The following CSMD1 variants were observed in gnomAD, a reference collection of about 807,000 sequenced individuals.
The protein encoded by CSMD1 is CUB and Sushi multiple domains 1.
CSMD1 carries 213 observed loss-of-function variants against 417.5 expected under a neutral mutation model. The observed-to-expected ratio is 0.51, with a 90% CI of 0.46 to 0.57. CSMD1 has a LOEUF of 0.57. Ranked by LOEUF, CSMD1 falls within the 20% of genes least tolerant of loss-of-function variation. CSMD1 has a pLI of 0.00. For synonymous variants in CSMD1, 2,862 were observed against 1,736.8 expected (o/e 1.65, Z -16.11); for missense variants, 6,923 against 4,529.7 (o/e 1.53, Z -15.17).
At chr8:4,793,577 A>C (rs1797809976) in intron 1 of CSMD1, among the ~76,000 whole-genome samples, 1 of 151,898 alleles carries the variant, frequency 6.6e-6, no homozygotes, top group Non-Finnish European at 1.5e-5. Flanking sequence ...ACTGATACAA[A>C]CTTTTTAGTT....
chr8:4,059,145 G>T (rs1006427528), intron 3 of CSMD1, among the ~76,000 whole-genome samples: 2 of 152,270 alleles, frequency 1.3e-5, no homozygotes, highest in Non-Finnish European at 2.9e-5. Context: ...AACTCACTCA[G>T]AACCGCTTAA....
chr8:3,652,435 T>G (rs1042660197), intron 7 of CSMD1, among the ~76,000 whole-genome samples: 2 of 152,198 alleles, frequency 1.3e-5, no homozygotes, highest in East Asian at 3.8e-4. Context: ...CCAAACACAA[T>G]GGATGCATTA....
chr8:4,357,057 C>G (rs2128905068), intron 3 of CSMD1, among the ~76,000 whole-genome samples: 1 of 152,286 alleles, frequency 6.6e-6, no homozygotes, highest in Non-Finnish European at 1.5e-5. Flanking sequence ...TAAAATGTAT[C>G]TTTACTGAAG....
intron 5 of CSMD1, among the ~76,000 whole-genome samples, chr8:3,940,182 C>G (rs899594610): frequency 5.9e-5 from 9 of 151,960 alleles, no homozygotes; most frequent in Admixed American, 5.2e-4. Context: ...CATGAAAGAT[C>G]TCATGCTTAT....
chr8:4,642,133 C>A (rs1176859778), intron 1 of CSMD1, among the ~76,000 whole-genome samples: 1 of 152,162 alleles, frequency 6.6e-6, no homozygotes, highest in African/African-American at 2.4e-5. Flanking sequence ...TCCAGGTCTG[C>A]AAGATGGGCA....
intron 5 of CSMD1, among the ~76,000 whole-genome samples, chr8:3,833,349 T>G (rs1338279304): frequency 6.6e-6 from 1 of 152,148 alleles, no homozygotes; most frequent in Non-Finnish European, 1.5e-5. Flanking sequence ...TGGGCCATTT[T>G]ATATACAACG....
intron 3 of CSMD1, among the ~76,000 whole-genome samples, chr8:4,379,671 T>C (rs1237056862): frequency 6.6e-6 from 1 of 152,122 alleles, no homozygotes; most frequent in Non-Finnish European, 1.5e-5. Context: ...AAATTAGTTC[T>C]TACAGGGGAA....
At chr8:3,165,424 ATTTATTTATTTT>A (rs1471016093) in intron 37 of CSMD1, among the ~76,000 whole-genome samples, 2 of 151,434 alleles carry the variant, frequency 1.3e-5, no homozygotes, top group African/African-American at 4.9e-5. Flanking sequence ...TTTATTTTTT[ATTTATTTATTTT>A]TTTATTTATT....
intron 25 of CSMD1, among the ~76,000 whole-genome samples, chr8:3,292,769 A>C (rs971318066): frequency 2.6e-5 from 4 of 152,096 alleles, no homozygotes; most frequent in Non-Finnish European, 5.9e-5. Flanking sequence ...ATGGGTCTTG[A>C]CTTTTTATGC....
chr8:4,216,245 C>T (rs1342799590), intron 3 of CSMD1, among the ~76,000 whole-genome samples: 1 of 151,960 alleles, frequency 6.6e-6, no homozygotes, highest in Non-Finnish European at 1.5e-5. Flanking sequence ...TTTTTTTCTG[C>T]CTGGAATCCT....
rs1013218750 is a variant in CSMD1 at position 4,431,424 on chromosome 8, G to A, written c.303-11359C>T. 2.0e-5 allele frequency among the ~76,000 whole-genome samples: 3 copies of A among 152,250 alleles called. No individual in the cohort carries two copies. In the East Asian group the frequency reaches 5.8e-4, roughly 29 times the overall value. ...CAAACTTAGATTGAAGGAGGAACAA[G>A]GTGAGAGGAGAGCGAGTGAGCACAC... On this transcript the variant is annotated intron_variant, in intron 2 of 69. Coordinates refer to ENST00000635120, the MANE Select transcript of CSMD1 (RefSeq NM_033225.6).
Position 4,198,689 on chromosome 8 carries a change from G to A in CSMD1, c.416-166590C>T, listed in dbSNP as rs190926721. Among the ~76,000 whole-genome samples, 134 of 152,126 alleles carry A rather than the reference G, an allele frequency of 8.8e-4. 3 individuals are homozygous for A. In the East Asian group the frequency reaches 0.017, roughly 20 times the overall value. On this transcript the variant is annotated intron_variant, in intron 3 of 69. Coordinates refer to ENST00000635120, the MANE Select transcript of CSMD1 (RefSeq NM_033225.6). ...CCAGATGGGGCTGGTAAAACCCCAAGGACTACATGGATACTAAGTGTATTT... is the reference window on the plus strand; with the variant it reads ...CCAGATGGGGCTGGTAAAACCCCAAAGACTACATGGATACTAAGTGTATTT...
chr8:4,171,461 G>C (rs1223628113), intron 3 of CSMD1, among the ~76,000 whole-genome samples: 1 of 151,676 alleles, frequency 6.6e-6, no homozygotes, highest in Non-Finnish European at 1.5e-5. Context: ...TGGCTCTCCT[G>C]AACTAAGAAA....
At chr8:4,126,554 C>T (rs1160469013) in intron 3 of CSMD1, among the ~76,000 whole-genome samples, 1 of 152,170 alleles carries the variant, frequency 6.6e-6, no homozygotes, top group African/African-American at 2.4e-5. Flanking sequence ...CACTGATCCA[C>T]AATTGTGGGA....
rs1331565404 is a variant in CSMD1 at position 3,189,997 on chromosome 8, G to A, written c.5313C>T (p.Tyr1771=). The change falls in exon 34 of 70, where the codon TAC becomes TAT. Residue 1771 remains tyrosine (Y), a synonymous_variant. Coordinates refer to ENST00000635120, the MANE Select transcript of CSMD1 (RefSeq NM_033225.6). ...SIVRFECNPG[Y]LLQGSTALHC... The stretch of plus-strand genomic sequence containing the variant: ...GGAGCGCCGTGGAACCCTGAAGCAG[G>A]TATCCCGGGTTGCACTCGAATCGGA... 3.1e-6 allele frequency: 5 copies of A among 1,599,068 alleles called. No individual in the cohort carries two copies. Among genetic ancestry groups the A allele is most frequent in the African/African-American group, 1.3e-5 (1 of 74,622 alleles).
At chr8:3,525,500 C>T (rs552944200) in intron 10 of CSMD1, among the ~76,000 whole-genome samples, 63 of 152,136 alleles carry the variant, frequency 4.1e-4, no homozygotes, top group Non-Finnish European at 7.8e-4. Flanking sequence ...TGATAAGAAA[C>T]GCAGTACCCT....
At chr8:3,644,784 G>A (rs1563228629) in intron 7 of CSMD1, among the ~76,000 whole-genome samples, 1 of 151,894 alleles carries the variant, frequency 6.6e-6, no homozygotes, top group Admixed American at 6.6e-5. Context: ...TGTAGAAAGC[G>A]TGCAGTTTAT....
chr8:3,923,543 A>G (rs1046308379), intron 5 of CSMD1, among the ~76,000 whole-genome samples: 3 of 152,210 alleles, frequency 2.0e-5, no homozygotes, highest in Non-Finnish European at 4.4e-5. Flanking sequence ...TCCCACACAG[A>G]ACAGGATACA....
intron 41 of CSMD1, among the ~76,000 whole-genome samples, chr8:3,136,316 G>A (rs1328517854): frequency 6.7e-6 from 1 of 149,984 alleles, no homozygotes; most frequent in Admixed American, 6.7e-5. Context: ...GAGTGCAATG[G>A]CATGATCTCG....
Sources: gnomAD v4.1 joint callset for allele counts (sites outside exome capture counted in the v4.1 genomes callset) on GRCh38, gnomAD v4.1.1 for gene constraint, MANE v1.5 for transcripts, NCBI Gene and HGNC (gene_info 2026-07-23, HGNC 2026-07-21) for gene names.